Variants in TNIK observed in about 807,000 individuals in gnomAD.
TNIK encodes the protein TRAF2 and NCK interacting kinase.
TNIK carries 49 observed loss-of-function variants against 191.3 expected under a neutral mutation model. That is an observed-to-expected ratio of 0.26 (90% CI 0.20 to 0.32). The LOEUF is 0.32. Among genes scored for constraint, TNIK ranks in the 10% least tolerant of loss-of-function variants. The pLI, the probability that TNIK is intolerant of heterozygous loss-of-function variation, is 1.00. For missense variants in TNIK, 1,155 were observed against 1,702.3 expected (o/e 0.68, Z 5.66); for synonymous variants, 594 against 600.9 (o/e 0.99, Z 0.17).
intron 4 of TNIK, among the ~76,000 whole-genome samples, chr3:171,209,409 T>C (rs1740510974): frequency 6.6e-6 from 1 of 152,182 alleles, no homozygotes; most frequent in South Asian, 2.1e-4. Context: ...TCTTTGCTCA[T>C]TATATTATAA....
At chr3:171,102,255 C>T (rs898593300) in intron 21 of TNIK, among the ~76,000 whole-genome samples, 1 of 152,116 alleles carries the variant, frequency 6.6e-6, no homozygotes, top group East Asian at 1.9e-4. Context: ...AGAGGAACAA[C>T]AACAACAAGA....
intron 1 of TNIK, among the ~76,000 whole-genome samples, chr3:171,413,426 G>A (rs906108812): frequency 1.3e-5 from 2 of 152,126 alleles, no homozygotes; most frequent in African/African-American, 4.8e-5. Flanking sequence ...TAAAGGACAA[G>A]GCCTCTCTGC....
intron 2 of TNIK, among the ~76,000 whole-genome samples, chr3:171,308,546 C>G (rs1302814174): frequency 1.3e-5 from 2 of 151,994 alleles, no homozygotes. Flanking sequence ...CAAACAAAAC[C>G]AAAAATTAAC....
chr3:171,282,334 GTTTTTTGTTTTTTTTTTTT>G (rs1178281176), intron 2 of TNIK, among the ~76,000 whole-genome samples: 1 of 114,524 alleles, frequency 8.7e-6, no homozygotes, highest in African/African-American at 3.5e-5. Flanking sequence ...TCTCTTAATG[GTTTTTTGTTTTTTTTTTTT>G]TTTTTGAGAT....
At position 171,291,854 on chromosome 3, in the gene TNIK, C is replaced by A. The variant is rs570459912; in HGVS notation, c.124-63633G>T. Among the ~76,000 whole-genome samples the A allele has an allele frequency of 3.9e-5, 6 of 152,230 alleles. No homozygotes were observed. In the East Asian group the frequency reaches 1.2e-3, roughly 29 times the overall value. On this transcript the variant is annotated intron_variant, in intron 2 of 32. Coordinates refer to ENST00000436636, the MANE Select transcript of TNIK (RefSeq NM_015028.4). ...CACTCTTTCTCCTTTCCTTCTGAAA[C>A]CTTAAACACATACTAGGCTTTCATT...
intron 1 of TNIK, among the ~76,000 whole-genome samples, chr3:171,456,803 T>C (rs941985885): frequency 6.6e-6 from 1 of 152,228 alleles, no homozygotes; most frequent in African/African-American, 2.4e-5. Context: ...GCTATTCTTT[T>C]GTACTCAGGC....
At chr3:171,144,718 T>TA (rs1265626270) in intron 12 of TNIK, among the ~76,000 whole-genome samples, 1 of 152,208 alleles carries the variant, frequency 6.6e-6, no homozygotes, top group African/African-American at 2.4e-5. Context: ...CACCAGCACT[T>TA]ATTCCTCTCG....
rs540722063 is a variant in TNIK, at chr3:171,292,578, C to G, written c.124-64357G>C. ...GAACATGAGGTCAGGAGCTCAAGAC[C>G]ATCCTGGCTAACATGGTGAAACCCT... is the stretch of plus-strand genomic sequence containing the variant. On this transcript the variant is annotated intron_variant, in intron 2 of 32. Coordinates refer to ENST00000436636, the MANE Select transcript of TNIK (RefSeq NM_015028.4). Among the ~76,000 whole-genome samples, 4 of 152,224 alleles carry G rather than the reference C, an allele frequency of 2.6e-5. No homozygotes were observed. The South Asian group carries it at 6.2e-4, about 24-fold the overall frequency.
intron 1 of TNIK, among the ~76,000 whole-genome samples, chr3:171,373,654 TGTCATTCTTAG>T (rs1340306810): frequency 2.0e-5 from 3 of 152,224 alleles, no homozygotes; most frequent in African/African-American, 7.2e-5. Flanking sequence ...GTCAAGGTCA[TGTCATTCTTAG>T]GCCTGGCCTC....
chr3:171,163,431 A>G (rs1214870034), intron 10 of TNIK, among the ~76,000 whole-genome samples: 1 of 152,190 alleles, frequency 6.6e-6, no homozygotes, highest in Non-Finnish European at 1.5e-5. Flanking sequence ...GATTTGATAA[A>G]CATGCCTTGC....
Position 171,066,755 on chromosome 3 carries a change from C to A in TNIK, c.3700-20G>T, listed in dbSNP as rs771736947. The A allele has an allele frequency of 1.2e-6, 2 of 1,608,060 alleles. No individual in the cohort carries two copies. Among genetic ancestry groups the A allele is most frequent in the Non-Finnish European group, 1.7e-6 (2 of 1,176,732 alleles). Reference sequence around the variant, plus strand: ...CTGAATCTAGAAGACAAAGAAAAGCCAAGCATTATTCTTTTAAAAAATAAA... The same window carrying A: ...CTGAATCTAGAAGACAAAGAAAAGCAAAGCATTATTCTTTTAAAAAATAAA... On this transcript the variant is annotated intron_variant, in intron 30 of 32. Transcript: ENST00000436636.
At chr3:171,381,498 A>G (rs76501138) in intron 1 of TNIK, among the ~76,000 whole-genome samples, 3,576 of 152,302 alleles carry the variant, frequency 0.023, 150 homozygotes, top group African/African-American at 0.081. Flanking sequence ...GGAAAATGAC[A>G]GTGTATAGAG....
intron 1 of TNIK, among the ~76,000 whole-genome samples, chr3:171,429,659 C>T (rs1022184981): frequency 2.0e-5 from 3 of 152,182 alleles, no homozygotes; most frequent in Admixed American, 6.5e-5. Context: ...TCACTTCTTC[C>T]TTTCAGATGG....
chr3:171,288,612 T>G (rs970531082), intron 2 of TNIK, among the ~76,000 whole-genome samples: 2 of 151,958 alleles, frequency 1.3e-5, no homozygotes, highest in African/African-American at 2.4e-5. Context: ...ATCAAGACCA[T>G]CCTGGCTAAC....
intron 3 of TNIK, among the ~76,000 whole-genome samples, chr3:171,215,969 A>G (rs1741410955): frequency 6.6e-6 from 1 of 152,194 alleles, no homozygotes; most frequent in Non-Finnish European, 1.5e-5. Flanking sequence ...AGATTCATAA[A>G]TGCCACTATC....
At chr3:171,263,466 A>T (rs1472267846) in intron 2 of TNIK, among the ~76,000 whole-genome samples, 1 of 152,188 alleles carries the variant, frequency 6.6e-6, no homozygotes, top group East Asian at 1.9e-4. Flanking sequence ...ATTTTGAGAG[A>T]AAAAAAGGAG....
At chr3:171,350,910 C>T (rs978719806) in intron 2 of TNIK, among the ~76,000 whole-genome samples, 1 of 152,122 alleles carries the variant, frequency 6.6e-6, no homozygotes, top group Non-Finnish European at 1.5e-5. Flanking sequence ...TAACCTGCTG[C>T]TTCCCATAAT....
chr3:171,190,793 G>A lies in TNIK; in HGVS notation c.418-6C>T, dbSNP rs1407872282. The A allele has an allele frequency of 6.3e-7, 1 of 1,580,394 alleles. No individual in the cohort carries two copies. ...TGGTGCAGGTGACTCAGCCCCTGGA[G>A]TGATGGAGAGTTAAGAAGGGTTAAT... On this transcript the variant is annotated splice_region_variant and splice_polypyrimidine_tract_variant and intron_variant, in intron 5 of 32. Transcript: ENST00000436636.
intron 1 of TNIK, among the ~76,000 whole-genome samples, chr3:171,417,226 A>T (rs962623796): frequency 6.6e-6 from 1 of 152,212 alleles, no homozygotes; most frequent in Non-Finnish European, 1.5e-5. Context: ...TGAAATCAAG[A>T]TGTTCTTTCA....
Sources: gnomAD v4.1 joint callset for allele counts (sites outside exome capture counted in the v4.1 genomes callset) on GRCh38, gnomAD v4.1.1 for gene constraint, MANE v1.5 for transcripts, NCBI Gene and HGNC (gene_info 2026-07-23, HGNC 2026-07-21) for gene names.